NOS1AP: variants seen among roughly 807,000 people sequenced by gnomAD.
NOS1AP encodes the protein nitric oxide synthase 1 adaptor protein, also known as carboxyl-terminal PDZ ligand of neuronal nitric oxide synthase protein.
A neutral mutation model predicts 56.2 loss-of-function variants in NOS1AP; 21 were observed. The ratio of observed to expected loss-of-function variants is 0.37; its 90% CI spans 0.26 to 0.54. The LOEUF is 0.54. Ranked by LOEUF, NOS1AP falls within the 20% of genes least tolerant of loss-of-function variation. The probability of loss-of-function intolerance (pLI) is 0.84; values close to 1 mark genes in which losing one functional copy is unlikely to be tolerated. For synonymous variants in NOS1AP, 270 were observed against 274.6 expected (o/e 0.98, Z 0.17); for missense variants, 522 against 657.8 (o/e 0.79, Z 2.26).
intron 1 of NOS1AP, among the ~76,000 whole-genome samples, chr1:162,086,248 G>A (rs1279754289): frequency 6.6e-6 from 1 of 152,094 alleles, no homozygotes; most frequent in African/African-American, 2.4e-5. Context: ...GCAGCTCTAT[G>A]GAGAGTGGTG....
At chr1:162,333,972 C>T (rs949389346) in intron 5 of NOS1AP, among the ~76,000 whole-genome samples, 1 of 152,136 alleles carries the variant, frequency 6.6e-6, no homozygotes, top group Non-Finnish European at 1.5e-5. Flanking sequence ...TTTTGGAAAA[C>T]ACTATTTGTG....
chr1:162,108,806 A>G (rs552690910), intron 1 of NOS1AP, among the ~76,000 whole-genome samples: 1 of 152,376 alleles, frequency 6.6e-6, no homozygotes, highest in South Asian at 2.1e-4. Context: ...AGGAAACTAC[A>G]GAAAAATAAC....
rs145894491 is a variant in NOS1AP, at chr1:162,175,054, A to G, written c.177+20578A>G. ...TCATATAATTTGAAGGGTACATACT[A>G]TCATTATGACTTATCACTGTTGATG... On this transcript the variant is annotated intron_variant, in intron 2 of 9. Coordinates refer to ENST00000361897, the MANE Select transcript of NOS1AP (RefSeq NM_014697.3). Among the ~76,000 whole-genome samples the G allele has an allele frequency of 1.8e-3, 275 of 152,314 alleles. 2 individuals are homozygous for G. The highest frequency in any genetic ancestry group is 3.8e-3 in the African/African-American group (157 of 41,558).
chr1:162,187,520 G>C (rs1233527558), intron 2 of NOS1AP, among the ~76,000 whole-genome samples: 1 of 152,050 alleles, frequency 6.6e-6, no homozygotes, highest in Non-Finnish European at 1.5e-5. Flanking sequence ...TTTCTAAATA[G>C]AATTTTGCAC....
intron 2 of NOS1AP, among the ~76,000 whole-genome samples, chr1:162,268,612 C>T (rs116261530): frequency 0.025 from 3,858 of 151,886 alleles, 69 homozygotes; most frequent in Non-Finnish European, 0.038. Context: ...AGAGAGAGAC[C>T]AAAATAAATA....
At chr1:162,278,981 G>C (rs931205103) in intron 2 of NOS1AP, among the ~76,000 whole-genome samples, 1 of 152,144 alleles carries the variant, frequency 6.6e-6, no homozygotes, top group Non-Finnish European at 1.5e-5. Flanking sequence ...GGACAGTCTA[G>C]GCTAGATATT....
intron 8 of NOS1AP, among the ~76,000 whole-genome samples, chr1:162,362,279 C>A (rs141371269): frequency 0.013 from 1,923 of 152,092 alleles, 28 homozygotes; most frequent in Middle Eastern, 0.02. Flanking sequence ...GGGGAAACCC[C>A]GTCTCTACTA....
intron 6 of NOS1AP, among the ~76,000 whole-genome samples, chr1:162,347,005 A>G (rs1657316874): frequency 6.6e-6 from 1 of 152,204 alleles, no homozygotes; most frequent in African/African-American, 2.4e-5. Context: ...AAACAGAGAG[A>G]TAGATAGACT....
chr1:162,241,061 T>C (rs1370775570), intron 2 of NOS1AP, among the ~76,000 whole-genome samples: 2 of 152,190 alleles, frequency 1.3e-5, no homozygotes, highest in African/African-American at 4.8e-5. Flanking sequence ...AGGGGAGCCT[T>C]TTTGTAACTC....
At chr1:162,091,406 G>A (rs1692127972) in intron 1 of NOS1AP, among the ~76,000 whole-genome samples, 1 of 152,082 alleles carries the variant, frequency 6.6e-6, no homozygotes, top group African/African-American at 2.4e-5. Flanking sequence ...ACTGGCTATT[G>A]GTGATTTGTC....
At chr1:162,092,835 G>A (rs1692164319) in intron 1 of NOS1AP, among the ~76,000 whole-genome samples, 1 of 152,102 alleles carries the variant, frequency 6.6e-6, no homozygotes, top group Admixed American at 6.5e-5. Context: ...CATTCACCAG[G>A]CCAAGCCCTT....
At chr1:162,150,047 C>A (rs1345814693) in intron 1 of NOS1AP, among the ~76,000 whole-genome samples, 2 of 152,040 alleles carry the variant, frequency 1.3e-5, no homozygotes, top group Admixed American at 6.5e-5. Context: ...CTATAGTCAT[C>A]CTATTGTGGT....
rs929258540 is a variant in NOS1AP at position 162,361,971 on chromosome 1, T to G, written c.940-3433T>G. 2.6e-5 allele frequency among the ~76,000 whole-genome samples: 4 copies of G among 152,310 alleles called. No individual in the cohort carries two copies. In the South Asian group the frequency reaches 8.3e-4, roughly 32 times the overall value. ...GTACTGACCACAATGTCAACCTGGA[T>G]GTAGAATTATCAACTGTCTCAGCCT... is the stretch of plus-strand genomic sequence containing the variant. On this transcript the variant is annotated intron_variant, in intron 8 of 9. Coordinates refer to ENST00000361897, the MANE Select transcript of NOS1AP (RefSeq NM_014697.3).
At chr1:162,359,453 G>A (rs1206854871) in intron 8 of NOS1AP, among the ~76,000 whole-genome samples, 1 of 152,176 alleles carries the variant, frequency 6.6e-6, no homozygotes, top group Non-Finnish European at 1.5e-5. Flanking sequence ...GACCACAGCA[G>A]GGATATTGTA....
intron 2 of NOS1AP, among the ~76,000 whole-genome samples, chr1:162,178,680 C>T (rs940556705): frequency 1.3e-5 from 2 of 152,154 alleles, no homozygotes; most frequent in Non-Finnish European, 2.9e-5. Context: ...TGGCATCCAC[C>T]CAGCTAGAAA....
intron 2 of NOS1AP, among the ~76,000 whole-genome samples, chr1:162,201,397 T>C (rs968860687): frequency 2.6e-5 from 4 of 152,188 alleles, no homozygotes; most frequent in African/African-American, 9.7e-5. Flanking sequence ...TTATGAATAG[T>C]GCTGTGATAA....
chr1:162,096,986 C>T (rs1692258749), intron 1 of NOS1AP, among the ~76,000 whole-genome samples: 1 of 152,128 alleles, frequency 6.6e-6, no homozygotes, highest in Admixed American at 6.5e-5. Flanking sequence ...TGAGCACATC[C>T]TCCACTTTGT....
intron 4 of NOS1AP, among the ~76,000 whole-genome samples, chr1:162,319,847 G>GTATTAA (rs1219371237): frequency 1.3e-5 from 2 of 152,112 alleles, no homozygotes; most frequent in Non-Finnish European, 2.9e-5. Context: ...GAACAGTCCT[G>GTATTAA]TATTAAACTC....
At chr1:162,232,680 C>T (rs951025528) in intron 2 of NOS1AP, among the ~76,000 whole-genome samples, 55 of 151,936 alleles carry the variant, frequency 3.6e-4, no homozygotes, top group African/African-American at 1.3e-3. Context: ...GCTGGTTTGG[C>T]TTACCAAGGG....
Sources: allele counts gnomAD v4.1 joint callset (sites outside exome capture counted in the v4.1 genomes callset), GRCh38; gene constraint gnomAD v4.1.1; transcripts MANE v1.5; gene names NCBI Gene and HGNC (gene_info 2026-07-23, HGNC 2026-07-21).